Variants in MARK4 observed in about 807,000 individuals in gnomAD.
The protein encoded by MARK4 is microtubule affinity regulating kinase 4, also known as MAP/microtubule affinity-regulating kinase 4.
A neutral mutation model predicts 81.5 loss-of-function variants in MARK4; 19 were observed. The ratio of observed to expected loss-of-function variants is 0.23; its 90% CI spans 0.16 to 0.34. MARK4 has a LOEUF of 0.34. MARK4 is among the 10% of genes least tolerant of loss of function. MARK4 has a pLI of 1.00. For missense variants in MARK4, 772 were observed against 1,058.8 expected (o/e 0.73, Z 3.76); for synonymous variants, 436 against 439.0 (o/e 0.99, Z 0.08).
chr19:45,261,874 G>A lies in MARK4; in HGVS notation c.253-1239G>A, dbSNP rs758615455. On this transcript the variant is annotated intron_variant, in intron 2 of 16. Coordinates refer to ENST00000262891, the MANE Select transcript of MARK4 (RefSeq NM_001199867.2). ...CTTGAACCTGAGAGGTGGAGGTCGC[G>A]GTGAGCCAAGATTGCGCCATTGCAC... Among the ~76,000 whole-genome samples, 8 of 151,978 alleles carry A rather than the reference G, an allele frequency of 5.3e-5. No homozygotes were observed. In the East Asian group the frequency reaches 5.8e-4, roughly 11 times the overall value.
chr19:45,251,638 C>T lies in MARK4; in HGVS notation c.50C>T (p.Thr17Met), dbSNP rs1277909022. Residue 17 changes from threonine to methionine, a missense_variant and splice_region_variant, in exon 1 of 17, where the codon ACG becomes ATG. Coordinates refer to ENST00000262891, the MANE Select transcript of MARK4 (RefSeq NM_001199867.2). ...LAPGNDRNSD[T>M]HGTLGSGRSS... ...CCGGGCAACGATCGGAACTCGGACA[C>T]GGTGAGTGGGGCCCGGCCCCTTGGG... The T allele has an allele frequency of 7.9e-6, 12 of 1,517,458 alleles. No individual in the cohort carries two copies. The highest frequency in any genetic ancestry group is 3.8e-5 in the South Asian group (3 of 78,832). The allele number at this position is 1,517,458 out of a possible 1,614,324, so 94.0% of individuals were successfully genotyped here.
chr19:45,252,442 C>T (rs1970256058), intron 1 of MARK4, among the ~76,000 whole-genome samples: 1 of 152,126 alleles, frequency 6.6e-6, no homozygotes, highest in South Asian at 2.1e-4. Context: ...GACTCCAGGC[C>T]TCATCCGCCC....
At chr19:45,298,038 G>T in intron 15 of MARK4, 84 bp downstream of exon 15, 1 of 1,551,974 alleles carries the variant, frequency 6.4e-7, no homozygotes, top group East Asian at 2.4e-5. Context: ...TCTGTCTCCT[G>T]TACCCCAACA....
At position 45,280,468 on chromosome 19, in the gene MARK4, G is replaced by A. The variant is rs888625626; in HGVS notation, c.1101G>A (p.Leu367=). The A allele has an allele frequency of 6.2e-7, 1 of 1,614,020 alleles. No individual in the cohort carries two copies. The highest frequency in any genetic ancestry group is 2.2e-5 in the East Asian group (1 of 44,888). ...AAGTGACCGCCACCTACCTCCTGCT[G>A]GGCAGGAAGACTGAGGTCAGGGGGC... ...YNEVTATYLL[L]GRKTEEGGDR... is the part of the protein sequence containing the mutation. The change falls in exon 11 of 17, where the codon CTG becomes CTA. Residue 367 remains leucine, a synonymous_variant. Coordinates refer to ENST00000262891, the MANE Select transcript of MARK4 (RefSeq NM_001199867.2).
intron 9 of MARK4, 127 bp from the exon 10 acceptor site, chr19:45,278,389 G>A (rs540454126): frequency 1.3e-5 from 11 of 820,910 alleles, no homozygotes; most frequent in Non-Finnish European, 1.8e-5. Flanking sequence ...CCCAGGAGGC[G>A]CTATCTCTTA....
chr19:45,270,744 C>T lies in MARK4; in HGVS notation c.550-728C>T, dbSNP rs113681425. Among the ~76,000 whole-genome samples, 639 of 152,140 alleles carry T rather than the reference C, an allele frequency of 4.2e-3. 10 individuals carry two copies. The highest frequency in any genetic ancestry group is 0.015 in the African/African-American group (611 of 41,516). On this transcript the variant is annotated intron_variant, in intron 7 of 16. Transcript: ENST00000262891. ...CCTCCTGAGTACCTGGGACTACTGGCGCACACCACCATGCCCGGCTAATTT... is the reference window on the plus strand; with the variant it reads ...CCTCCTGAGTACCTGGGACTACTGGTGCACACCACCATGCCCGGCTAATTT...
At chr19:45,278,098 C>T (rs971990468) in intron 9 of MARK4, 56 bp downstream of exon 9, 29 of 1,599,390 alleles carry the variant, frequency 1.8e-5, no homozygotes, top group Non-Finnish European at 2.4e-5. Context: ...CTCCCCTAAA[C>T]TCTGCCTGCC....
At chr19:45,270,875 A>G (rs1025761244) in intron 7 of MARK4, among the ~76,000 whole-genome samples, 5 of 152,152 alleles carry the variant, frequency 3.3e-5, no homozygotes, top group South Asian at 4.1e-4. Context: ...GGTTCAAGCA[A>G]TTCTCCTGCC....
rs750078183 is a variant in MARK4 at position 45,259,018 on chromosome 19, G to A, written c.81G>A (p.Ser27=). ...THGTLGSGRS[S]DKGPSWSSRS... ...GCACCTTGGGCAGTGGCCGCTCCTC[G>A]GACAAAGGCCCGTCCTGGTCCAGCC... Residue 27 remains serine, a synonymous_variant, in exon 2 of 17, where the codon TCG becomes TCA. Transcript: ENST00000262891. 15 of 1,613,206 alleles carry A rather than the reference G, an allele frequency of 9.3e-6. No homozygotes were observed. Among genetic ancestry groups the A allele is most frequent in the Admixed American group, 5.0e-5 (3 of 60,004 alleles).
Position 45,266,287 on chromosome 19 carries a change from C to G in MARK4, c.549+6C>G, listed in dbSNP as rs1363193830. On this transcript the variant is annotated splice_donor_region_variant and intron_variant, in intron 7 of 16. Coordinates refer to ENST00000262891, the MANE Select transcript of MARK4 (RefSeq NM_001199867.2). ...TTGTACACAGGGACCTGAAGGTAAG[C>G]CCCCGACCCGCTGTGATCTCAGGGA... The G allele has an allele frequency of 1.2e-6, 2 of 1,613,516 alleles. No homozygotes were observed. The highest frequency in any genetic ancestry group is 2.2e-5 in the South Asian group (2 of 91,080).
chr19:45,285,433 C>T (rs1278942937), intron 12 of MARK4, among the ~76,000 whole-genome samples: 2 of 152,106 alleles, frequency 1.3e-5, no homozygotes, highest in African/African-American at 4.8e-5. Context: ...AAAGCCTGCG[C>T]TCTGACCTCC....
At position 45,302,824 on chromosome 19, in the gene MARK4, A is replaced by G; in HGVS notation, c.*114A>G. The G allele has an allele frequency of 7.0e-7, 1 of 1,427,080 alleles. No homozygotes were observed. Among genetic ancestry groups the G allele is most frequent in the East Asian group, 2.5e-5 (1 of 39,986 alleles). The allele number at this position is 1,427,080 out of a possible 1,614,324, so 88.4% of individuals were successfully genotyped here. On this transcript the variant is annotated 3_prime_UTR_variant, in exon 17 of 17. Transcript: ENST00000262891. The surrounding 1 kb of genome is among the most constrained non-coding windows in gnomAD (Gnocchi z 4.9). ...CTTTATCATCACCTCAGTTTCCCTGAATTATATTTGGGGGCAAAGATTGTC... is the reference window on the plus strand; with the variant it reads ...CTTTATCATCACCTCAGTTTCCCTGGATTATATTTGGGGGCAAAGATTGTC...
intron 1 of MARK4, among the ~76,000 whole-genome samples, chr19:45,254,422 G>A (rs575483786): frequency 2.6e-5 from 4 of 152,278 alleles, no homozygotes; most frequent in South Asian, 2.1e-4. Context: ...GGTGGGGATC[G>A]GAGGCCTTAT....
At chr19:45,273,844 G>A (rs1269560162) in intron 8 of MARK4, among the ~76,000 whole-genome samples, 7 of 152,226 alleles carry the variant, frequency 4.6e-5, no homozygotes, top group Admixed American at 1.3e-4. Context: ...CCATCAAAGC[G>A]GAACCCTGAG....
intron 15 of MARK4, chr19:45,298,208 A>C: frequency 6.2e-7 from 1 of 1,614,034 alleles, no homozygotes; most frequent in Non-Finnish European, 8.5e-7. Flanking sequence ...TCTCTGCCCC[A>C]GGGATCCAAG....
chr19:45,280,322 G>A, intron 10 of MARK4, 52 bp from the exon 11 acceptor site: 1 of 1,491,168 alleles, frequency 6.7e-7, no homozygotes, highest in Non-Finnish European at 9.3e-7. Flanking sequence ...AGAAATGGAT[G>A]GAAGTTAAAG....
intron 13 of MARK4, 91 bp downstream of exon 13, chr19:45,287,755 T>C: frequency 7.1e-7 from 1 of 1,401,340 alleles, no homozygotes; most frequent in East Asian, 2.5e-5. Flanking sequence ...CAGACGGAAC[T>C]CCTTCTTACC....
chr19:45,261,213 A>T (rs1352785604), intron 2 of MARK4, among the ~76,000 whole-genome samples: 1 of 152,170 alleles, frequency 6.6e-6, no homozygotes, highest in Non-Finnish European at 1.5e-5. Context: ...TGCCTGACTG[A>T]TTTTTACGCG....
chr19:45,263,276 C>A, intron 3 of MARK4, 43 bp from the exon 4 acceptor site: 13 of 1,614,096 alleles, frequency 8.1e-6, no homozygotes, highest in Non-Finnish European at 1.1e-5. Context: ...CCCCAAGCCA[C>A]CCACCCTCAC....
Sources: allele counts gnomAD v4.1 joint callset (sites outside exome capture counted in the v4.1 genomes callset), GRCh38; gene constraint gnomAD v4.1.1; non-coding constraint Gnocchi (gnomAD v3.1); transcripts MANE v1.5; gene names NCBI Gene and HGNC (gene_info 2026-07-23, HGNC 2026-07-21).